FOXP2: variants seen among roughly 807,000 people sequenced by gnomAD.
FOXP2 encodes forkhead box P2.
A neutral mutation model predicts 115.8 loss-of-function variants in FOXP2; 12 were observed. The observed-to-expected ratio is 0.10, with a 90% CI of 0.07 to 0.17. The LOEUF (loss-of-function observed/expected upper bound fraction) is 0.17, where lower values mean the gene tolerates loss of function less well. Ranked by LOEUF, FOXP2 falls within the 10% of genes least tolerant of loss-of-function variation. The pLI, the probability that FOXP2 is intolerant of heterozygous loss-of-function variation, is 1.00. For synonymous variants in FOXP2, 328 were observed against 297.7 expected (o/e 1.10, Z -1.05); for missense variants, 629 against 843.5 (o/e 0.75, Z 3.15).
chr7:114,567,076 A>G lies in FOXP2; in HGVS notation c.258+32370A>G, dbSNP rs1276465751. On this transcript the variant is annotated intron_variant, in intron 3 of 16. Coordinates refer to ENST00000350908, the MANE Select transcript of FOXP2 (RefSeq NM_014491.4). ...TATAGGAGAGTCTTTAGTATGTATC[A>G]TGAAGTCTACTGATAAGTTGAAGAC... Among the ~76,000 whole-genome samples the G allele has an allele frequency of 2.0e-5, 3 of 152,104 alleles. No homozygotes were observed. The East Asian group carries it at 5.8e-4, about 29-fold the overall frequency.
intron 2 of FOXP2, among the ~76,000 whole-genome samples, chr7:114,392,024 A>C (rs766160431): frequency 1.3e-5 from 2 of 152,168 alleles, no homozygotes; most frequent in Admixed American, 6.5e-5. Flanking sequence ...CTATGTTGTC[A>C]AGATCTTTAA....
intron 3 of FOXP2, among the ~76,000 whole-genome samples, chr7:114,571,345 T>C (rs1463377589): frequency 2.0e-5 from 3 of 151,902 alleles, no homozygotes; most frequent in African/African-American, 7.2e-5. Context: ...CTTTGGACTG[T>C]AATATTTGGT....
In FOXP2 at chr7:114,690,977, A is replaced by G. The variant is rs1395207686; in HGVS notation, c.*1051A>G. The G allele has an allele frequency of 4.4e-6, 2 of 454,374 alleles. No individual in the cohort carries two copies. Among genetic ancestry groups the G allele is most frequent in the East Asian group, 1.4e-4 (2 of 14,404 alleles). The allele number at this position is 454,374 out of a possible 1,614,324, so 28.1% of individuals were successfully genotyped here. ...GTCACAGAGTAATCTTCTGAGGCCA[A>G]AAGTCCATCTAAATGCAATGAAGAT... On this transcript the variant is annotated 3_prime_UTR_variant, in exon 17 of 17. Coordinates refer to ENST00000350908, the MANE Select transcript of FOXP2 (RefSeq NM_014491.4).
intron 3 of FOXP2, among the ~76,000 whole-genome samples, chr7:114,541,034 G>C (rs1799638824): frequency 6.6e-6 from 1 of 152,040 alleles, no homozygotes; most frequent in Non-Finnish European, 1.5e-5. Context: ...ACATTTGGAG[G>C]ATATTTTCAG....
intron 2 of FOXP2, among the ~76,000 whole-genome samples, chr7:114,345,592 G>T (rs900357839): frequency 6.6e-6 from 1 of 151,634 alleles, no homozygotes. Flanking sequence ...TCCTAGTATG[G>T]CTGTTGAAAT....
chr7:114,497,127 A>T (rs1402471780), intron 2 of FOXP2, among the ~76,000 whole-genome samples: 1 of 152,180 alleles, frequency 6.6e-6, no homozygotes, highest in Admixed American at 6.5e-5. Context: ...CAAAATAATT[A>T]TGTATTGACA....
At chr7:114,094,063 C>T (rs1357583081) in intron 1 of FOXP2, among the ~76,000 whole-genome samples, 1 of 152,064 alleles carries the variant, frequency 6.6e-6, no homozygotes, top group Non-Finnish European at 1.5e-5. Context: ...GGAAATGGGT[C>T]AAATCAGGAT....
chr7:114,386,116 C>T (rs531214619), intron 2 of FOXP2, among the ~76,000 whole-genome samples: 1 of 152,336 alleles, frequency 6.6e-6, no homozygotes, highest in Non-Finnish European at 1.5e-5. Context: ...AGCGGACACC[C>T]TGCCGGATCC....
chr7:114,361,253 T>A (rs185212406), intron 2 of FOXP2, among the ~76,000 whole-genome samples: 156 of 152,216 alleles, frequency 1.0e-3, no homozygotes, highest in African/African-American at 3.5e-3. Flanking sequence ...ACAATTTGCC[T>A]AGGATAATTA....
intron 3 of FOXP2, among the ~76,000 whole-genome samples, chr7:114,625,617 C>A (rs374518001): frequency 6.6e-6 from 1 of 151,566 alleles, no homozygotes; most frequent in Non-Finnish European, 1.5e-5. Flanking sequence ...TGAAATGGGA[C>A]AGTAACAAGA....
intron 2 of FOXP2, among the ~76,000 whole-genome samples, chr7:114,381,979 A>G (rs1792315817): frequency 1.3e-5 from 2 of 152,110 alleles, no homozygotes; most frequent in African/African-American, 4.8e-5. Context: ...CAAGCAGGGG[A>G]CAACAAACAG....
chr7:114,102,732 A>C (rs200828279), intron 1 of FOXP2, among the ~76,000 whole-genome samples: 142 of 146,178 alleles, frequency 9.7e-4, no homozygotes, highest in African/African-American at 2.7e-3. Flanking sequence ...ACACACACAC[A>C]CCCCAATGGT....
intron 16 of FOXP2, among the ~76,000 whole-genome samples, chr7:114,689,110 G>A (rs911182977): frequency 1.3e-5 from 2 of 151,992 alleles, no homozygotes; most frequent in African/African-American, 2.4e-5. Flanking sequence ...CAGCATATAC[G>A]TTGTTTAAGT....
At chr7:114,231,121 G>A (rs1794864932) in intron 1 of FOXP2, among the ~76,000 whole-genome samples, 1 of 151,768 alleles carries the variant, frequency 6.6e-6, no homozygotes. Context: ...ATGAAATTAT[G>A]AAAACAATAT....
chr7:114,648,839 C>T (rs1294972129), intron 8 of FOXP2, among the ~76,000 whole-genome samples: 1 of 152,016 alleles, frequency 6.6e-6, no homozygotes, highest in African/African-American at 2.4e-5. Flanking sequence ...TTGGCTCACA[C>T]AATGTTTGTT....
intron 1 of FOXP2, among the ~76,000 whole-genome samples, chr7:114,176,312 C>T (rs1460109411): frequency 1.4e-5 from 2 of 144,582 alleles, no homozygotes; most frequent in Admixed American, 6.9e-5. Flanking sequence ...CTCTCTCTCT[C>T]TCTCTCTCTT....
At chr7:114,559,611 G>C (rs571254539) in intron 3 of FOXP2, among the ~76,000 whole-genome samples, 1 of 152,196 alleles carries the variant, frequency 6.6e-6, no homozygotes, top group Admixed American at 6.5e-5. Context: ...GGCTGGGCGC[G>C]GTGGCTCACG....
intron 1 of FOXP2, among the ~76,000 whole-genome samples, chr7:114,260,451 G>A (rs1042833280): frequency 6.6e-6 from 1 of 151,560 alleles, no homozygotes; most frequent in African/African-American, 2.4e-5. Context: ...TTGGTGGCAA[G>A]TTACTTTTTT....
chr7:114,447,319 G>T (rs144927878), intron 2 of FOXP2, among the ~76,000 whole-genome samples: 3 of 151,812 alleles, frequency 2.0e-5, no homozygotes, highest in Non-Finnish European at 4.4e-5. Context: ...ATCCAAATTT[G>T]GGCATGTCAT....
Sources: allele counts gnomAD v4.1 joint callset (sites outside exome capture counted in the v4.1 genomes callset), GRCh38; gene constraint gnomAD v4.1.1; transcripts MANE v1.5; gene names NCBI Gene and HGNC (gene_info 2026-07-23, HGNC 2026-07-21).